OLFM3: variants seen among roughly 807,000 people sequenced by gnomAD.
OLFM3 encodes the protein olfactomedin 3.
Under a neutral mutation model 48.6 loss-of-function variants are expected in OLFM3, and 20 were observed. The observed-to-expected ratio is 0.41, with a 90% CI of 0.29 to 0.60. The LOEUF (loss-of-function observed/expected upper bound fraction) is 0.60. Ranked by LOEUF, OLFM3 falls within the 20% of genes least tolerant of loss-of-function variation. The pLI, the probability that OLFM3 is intolerant of heterozygous loss-of-function variation, is 0.28. For missense variants in OLFM3, 437 were observed against 544.3 expected (o/e 0.80, Z 1.96); for synonymous variants, 222 against 198.1 (o/e 1.12, Z -1.01).
intron 1 of OLFM3, among the ~76,000 whole-genome samples, chr1:101,967,363 G>C (rs1660643620): frequency 4.0e-5 from 6 of 151,772 alleles, no homozygotes; most frequent in Admixed American, 3.9e-4. Context: ...CAACTTTACT[G>C]TGTTGGAATG....
chr1:101,835,556 C>A (rs958505847), intron 2 of OLFM3, among the ~76,000 whole-genome samples: 1 of 152,214 alleles, frequency 6.6e-6, no homozygotes, highest in Non-Finnish European at 1.5e-5. Flanking sequence ...CTCAGGTGAT[C>A]CACCTGCCTT....
intron 1 of OLFM3, among the ~76,000 whole-genome samples, chr1:101,927,890 A>G (rs562745000): frequency 1.3e-5 from 2 of 151,956 alleles, no homozygotes; most frequent in African/African-American, 4.8e-5. Flanking sequence ...TCTATGCTAT[A>G]TCTCTTGAAT....
intron 4 of OLFM3, among the ~76,000 whole-genome samples, chr1:101,821,824 A>G (rs575579433): frequency 5.8e-4 from 89 of 152,186 alleles, no homozygotes; most frequent in African/African-American, 2.1e-3. Context: ...TTGAATACCG[A>G]TTTTATTGCT....
At chr1:101,991,994 A>G (rs970943295) in intron 1 of OLFM3, among the ~76,000 whole-genome samples, 1 of 152,172 alleles carries the variant, frequency 6.6e-6, no homozygotes, top group African/African-American at 2.4e-5. Flanking sequence ...AAATATTATT[A>G]AAAATTCATT....
chr1:101,828,044 CTGTCTG>C (rs1557691384), intron 3 of OLFM3, among the ~76,000 whole-genome samples: 3 of 102,954 alleles, frequency 2.9e-5, no homozygotes, highest in African/African-American at 7.5e-5. Flanking sequence ...GTCTGTCTGT[CTGTCTG>C]TCTCTCTCTC....
chr1:101,824,438 A>G (rs894166563), intron 4 of OLFM3, among the ~76,000 whole-genome samples: 1 of 152,192 alleles, frequency 6.6e-6, no homozygotes, highest in African/African-American at 2.4e-5. Context: ...TCCATGACCC[A>G]TGCATGTCAC....
chr1:101,987,815 G>C (rs1002756613), intron 1 of OLFM3, among the ~76,000 whole-genome samples: 2 of 151,840 alleles, frequency 1.3e-5, no homozygotes, highest in African/African-American at 4.8e-5. Flanking sequence ...CCTCCCTTTG[G>C]GGTTATATAG....
intron 1 of OLFM3, among the ~76,000 whole-genome samples, chr1:101,888,991 G>C (rs1657883797): frequency 6.6e-6 from 1 of 152,168 alleles, no homozygotes; most frequent in Non-Finnish European, 1.5e-5. Context: ...TCATTAAAAA[G>C]TCAGGAAACA....
At chr1:101,837,201 T>C (rs1269981446) in intron 1 of OLFM3, among the ~76,000 whole-genome samples, 176 bp from the exon 2 acceptor site, 1 of 152,210 alleles carries the variant, frequency 6.6e-6, no homozygotes, top group Non-Finnish European at 1.5e-5. Flanking sequence ...CTTCATTCAG[T>C]ATACCCTCCT....
chr1:101,821,764 A>T (rs1176810601), intron 4 of OLFM3, among the ~76,000 whole-genome samples: 1 of 152,146 alleles, frequency 6.6e-6, no homozygotes, highest in Admixed American at 6.6e-5. Context: ...AGTATTTTAT[A>T]AAGTCATCTC....
chr1:101,983,479 T>C (rs1036313712), intron 1 of OLFM3, among the ~76,000 whole-genome samples: 2 of 152,196 alleles, frequency 1.3e-5, no homozygotes, highest in African/African-American at 4.8e-5. Context: ...GGTCCTCCAG[T>C]AAAAAATGTT....
chr1:101,869,105 G>C (rs1331974448), intron 1 of OLFM3, among the ~76,000 whole-genome samples: 1 of 152,182 alleles, frequency 6.6e-6, no homozygotes, highest in African/African-American at 2.4e-5. Flanking sequence ...GTTCCCACTG[G>C]AGCACTACCT....
intron 1 of OLFM3, among the ~76,000 whole-genome samples, chr1:101,967,160 ACTATAT>A (rs1660636395): frequency 2.0e-5 from 3 of 152,142 alleles, no homozygotes; most frequent in Admixed American, 2.0e-4. Context: ...ATTTCAATAT[ACTATAT>A]CTATATTTAA....
At chr1:101,892,909 A>G (rs929774540) in intron 1 of OLFM3, among the ~76,000 whole-genome samples, 5 of 152,148 alleles carry the variant, frequency 3.3e-5, no homozygotes, top group African/African-American at 1.2e-4. Flanking sequence ...ATACTTTGCT[A>G]TAATTTTTCC....
chr1:101,889,526 T>C (rs1448374386), intron 1 of OLFM3, among the ~76,000 whole-genome samples: 3 of 151,996 alleles, frequency 2.0e-5, no homozygotes, highest in Non-Finnish European at 4.4e-5. Context: ...GGGGGAGGGA[T>C]AGCCTTAGGA....
intron 1 of OLFM3, among the ~76,000 whole-genome samples, chr1:101,875,413 T>G (rs1172135683): frequency 6.6e-6 from 1 of 151,948 alleles, no homozygotes; most frequent in African/African-American, 2.4e-5. Flanking sequence ...GCTAATCAAT[T>G]TTAATAAAGG....
intron 1 of OLFM3, among the ~76,000 whole-genome samples, chr1:101,993,904 C>CT (rs1661483265): frequency 6.7e-6 from 1 of 149,412 alleles, no homozygotes; most frequent in South Asian, 2.1e-4. Context: ...GATGGCGATA[C>CT]TTAAGCACTT....
At position 101,897,081 on chromosome 1, in the gene OLFM3, C is replaced by A. The variant is rs535324921; in HGVS notation, c.70-60056G>T. Among the ~76,000 whole-genome samples the A allele has an allele frequency of 1.6e-4, 24 of 152,216 alleles. 1 individual carries two copies. Among genetic ancestry groups the A allele is most frequent in the African/African-American group, 5.8e-4 (24 of 41,544 alleles). The stretch of plus-strand genomic sequence containing the variant: ...GTCCATAAGTGCTAATGTGGAAATC[C>A]TGATCTAGATAATTTCTCCACATTT... On this transcript the variant is annotated intron_variant, in intron 1 of 5. Coordinates refer to ENST00000370103, the MANE Select transcript of OLFM3 (RefSeq NM_058170.4).
Position 101,804,240 on chromosome 1 carries a change from A to G in OLFM3, c.1375T>C (p.Ter459GlnextTer8). ...FHIIKTEDDT* is the reference protein window; with the variant it reads ...FHIIKTEDDTQ ...CAATGAAAACATGTCACATTTGCCT[A>G]TGTGTCATCCTCTGTCTTGATGATA... Residue 459 changes from the stop codon to glutamine, a stop_lost, in exon 6 of 6, where the codon TAG (stop) becomes CAG (glutamine). Transcript: ENST00000370103. This position sits in a 1 kb window ranked among gnomAD's most constrained non-coding sequence, Gnocchi z 4.5. The G allele has an allele frequency of 1.3e-6, 2 of 1,574,776 alleles. No homozygotes were observed. The highest frequency in any genetic ancestry group is 1.7e-6 in the Non-Finnish European group (2 of 1,161,602).
Sources: gnomAD v4.1 joint callset for allele counts (sites outside exome capture counted in the v4.1 genomes callset) on GRCh38, gnomAD v4.1.1 for gene constraint, Gnocchi (gnomAD v3.1) non-coding constraint, MANE v1.5 for transcripts, NCBI Gene and HGNC (gene_info 2026-07-23, HGNC 2026-07-21) for gene names.